Variants in ZNF423 observed in about 807,000 individuals in gnomAD.
The protein encoded by ZNF423 is Ebf-associated zinc finger protein.
ZNF423 carries 12 observed loss-of-function variants against 95.8 expected under a neutral mutation model. The observed-to-expected ratio is 0.13, with a 90% CI of 0.08 to 0.20. The LOEUF is 0.20. Ranked by LOEUF, ZNF423 falls within the 10% of genes least tolerant of loss-of-function variation. ZNF423 has a pLI of 1.00. For missense variants in ZNF423, 1,316 were observed against 1,737.1 expected (o/e 0.76, Z 4.31); for synonymous variants, 749 against 711.9 (o/e 1.05, Z -0.83).
rs115432557 is a variant in ZNF423, at chr16:49,718,020, G to A, written c.301+12751C>T. Among the ~76,000 whole-genome samples the A allele has an allele frequency of 9.2e-3, 1,393 of 152,192 alleles. 25 individuals carry two copies. Among genetic ancestry groups the A allele is most frequent in the African/African-American group, 0.032 (1,328 of 41,530 alleles). Reference sequence around the variant, plus strand: ...AATCCCCTGGCCAAAGTTATCGAGGGGCCCAGTAAGCTACACAAGGGCAGG... The same window carrying A: ...AATCCCCTGGCCAAAGTTATCGAGGAGCCCAGTAAGCTACACAAGGGCAGG... On this transcript the variant is annotated intron_variant, in intron 3 of 7. Transcript: ENST00000563137.
At chr16:49,679,783 A>C (rs755197488) in intron 3 of ZNF423, among the ~76,000 whole-genome samples, 4 of 152,248 alleles carry the variant, frequency 2.6e-5, no homozygotes, top group Admixed American at 6.5e-5. Context: ...AAATGGCCTG[A>C]AACCTGGGGT....
intron 1 of ZNF423, among the ~76,000 whole-genome samples, chr16:49,800,566 C>T (rs916074907): frequency 1.4e-5 from 2 of 143,656 alleles, no homozygotes; most frequent in Non-Finnish European, 3.1e-5. Flanking sequence ...CCTGCAAGCA[C>T]CTGGACATGA....
At chr16:49,853,142 CAAAAT>C (rs973316141) in intron 1 of ZNF423, among the ~76,000 whole-genome samples, 2 of 152,016 alleles carry the variant, frequency 1.3e-5, no homozygotes, top group Admixed American at 6.6e-5. Flanking sequence ...GCAGTGGAGG[CAAAAT>C]AAAATAAAAT....
chr16:49,545,137 C>T (rs1437198255), intron 5 of ZNF423, among the ~76,000 whole-genome samples: 4 of 152,226 alleles, frequency 2.6e-5, no homozygotes, highest in Non-Finnish European at 5.9e-5. Context: ...TGGCCCTTCC[C>T]CTTGGCCTCT....
At chr16:49,550,588 G>C (rs1282960842) in intron 5 of ZNF423, among the ~76,000 whole-genome samples, 1 of 152,252 alleles carries the variant, frequency 6.6e-6, no homozygotes, top group African/African-American at 2.4e-5. Flanking sequence ...AAAACCTGCA[G>C]TCAACGCCAA....
At chr16:49,793,237 G>A (rs925281825) in intron 1 of ZNF423, among the ~76,000 whole-genome samples, 16 of 152,232 alleles carry the variant, frequency 1.1e-4, no homozygotes, top group Middle Eastern at 3.4e-3. Flanking sequence ...CAGGCACAGA[G>A]GAAGGAGGGC....
intron 1 of ZNF423, among the ~76,000 whole-genome samples, chr16:49,807,606 C>T (rs2034685908): frequency 6.6e-6 from 1 of 152,178 alleles, no homozygotes; most frequent in African/African-American, 2.4e-5. Flanking sequence ...GGGGACATTT[C>T]ACTGGCACAG....
At chr16:49,573,594 C>T (rs1362299435) in intron 5 of ZNF423, among the ~76,000 whole-genome samples, 2 of 152,150 alleles carry the variant, frequency 1.3e-5, no homozygotes, top group Non-Finnish European at 2.9e-5. Flanking sequence ...GGTAAAGCCA[C>T]CAGTTCCATC....
At chr16:49,634,719 AC>A (rs755795057) in intron 4 of ZNF423, among the ~76,000 whole-genome samples, 1 of 152,182 alleles carries the variant, frequency 6.6e-6, no homozygotes, top group Non-Finnish European at 1.5e-5. Flanking sequence ...CTGGAAACAG[AC>A]AACACAGACT....
At chr16:49,810,165 T>C (rs1269840681) in intron 1 of ZNF423, among the ~76,000 whole-genome samples, 2 of 152,030 alleles carry the variant, frequency 1.3e-5, no homozygotes. Flanking sequence ...TCCTGGCACC[T>C]GGAGATAATC....
Position 49,697,715 on chromosome 16 carries a change from A to G in ZNF423, c.301+33056T>C, listed in dbSNP as rs16947856. Among the ~76,000 whole-genome samples the G allele has an allele frequency of 7.4e-3, 1,131 of 152,348 alleles. 19 individuals carry two copies. The highest frequency in any genetic ancestry group is 0.026 in the African/African-American group (1,091 of 41,572). ...GTGCAGTGGGATGGGCAGGAGTGCCAGAGTTGTGCGTTCACGCGTGTTTCT... is the reference window on the plus strand; with the variant it reads ...GTGCAGTGGGATGGGCAGGAGTGCCGGAGTTGTGCGTTCACGCGTGTTTCT... On this transcript the variant is annotated intron_variant, in intron 3 of 7. Transcript: ENST00000563137.
At chr16:49,802,312 C>A (rs1279421005) in intron 1 of ZNF423, among the ~76,000 whole-genome samples, 1 of 152,158 alleles carries the variant, frequency 6.6e-6, no homozygotes, top group Non-Finnish European at 1.5e-5. Flanking sequence ...CCTGTGCCAG[C>A]CCCAGGAGAC....
At chr16:49,594,686 G>A (rs1432178186) in intron 5 of ZNF423, among the ~76,000 whole-genome samples, 1 of 152,138 alleles carries the variant, frequency 6.6e-6, no homozygotes, top group Non-Finnish European at 1.5e-5. Flanking sequence ...AACACCCACA[G>A]GCACAAAGAC....
chr16:49,504,233 G>A (rs1967542604), intron 7 of ZNF423, among the ~76,000 whole-genome samples: 1 of 152,222 alleles, frequency 6.6e-6, no homozygotes, highest in South Asian at 2.1e-4. Context: ...GCACTTAAAA[G>A]TGGTTAAGAT....
intron 2 of ZNF423, among the ~76,000 whole-genome samples, chr16:49,738,892 C>A: frequency 6.6e-6 from 1 of 151,992 alleles, no homozygotes; most frequent in Non-Finnish European, 1.5e-5. Context: ...ACCAGAGAAC[C>A]CAACTGTACA....
chr16:49,491,746 G>A (rs1286919161), intron 7 of ZNF423, among the ~76,000 whole-genome samples: 4 of 152,292 alleles, frequency 2.6e-5, no homozygotes, highest in African/African-American at 7.2e-5. Context: ...TCTTCCCCGT[G>A]GCTGCTCCGA....
Position 49,548,637 on chromosome 16 carries a change from G to A in ZNF423, c.3602-23143C>T, listed in dbSNP as rs575155731. Among the ~76,000 whole-genome samples, 11 of 152,302 alleles carry A rather than the reference G, an allele frequency of 7.2e-5. No individual in the cohort carries two copies. The East Asian group carries it at 9.6e-4, about 13-fold the overall frequency. ...GGGAGAAAGAGAAGGGGAGAGAGACGGGGAAGGCGGAGCAGAGAGAAGGGA... is the reference window on the plus strand; with the variant it reads ...GGGAGAAAGAGAAGGGGAGAGAGACAGGGAAGGCGGAGCAGAGAGAAGGGA... On this transcript the variant is annotated intron_variant, in intron 5 of 7. Transcript: ENST00000563137.
At chr16:49,518,338 G>A in intron 7 of ZNF423, 1 of 415,172 alleles carries the variant, frequency 2.4e-6, no homozygotes, top group South Asian at 1.8e-5. Flanking sequence ...TGTGTCCAGT[G>A]ACAATCTTTC....
At chr16:49,523,534 C>T (rs1393905188) in intron 7 of ZNF423, 90 bp downstream of exon 7, 5 of 1,104,556 alleles carry the variant, frequency 4.5e-6, no homozygotes, top group East Asian at 2.4e-5. Flanking sequence ...CATAAGACTC[C>T]ACCAGCTTGC....
Sources: allele counts gnomAD v4.1 joint callset (sites outside exome capture counted in the v4.1 genomes callset), GRCh38; gene constraint gnomAD v4.1.1; transcripts MANE v1.5; gene names NCBI Gene and HGNC (gene_info 2026-07-23, HGNC 2026-07-21).